ADAMTSL3: variants seen among roughly 807,000 people sequenced by gnomAD.
The protein encoded by ADAMTSL3 is ADAMTS like 3, also known as ADAMTS-like protein 3.
ADAMTSL3 carries 128 observed loss-of-function variants against 201.7 expected under a neutral mutation model. That is an observed-to-expected ratio of 0.63 (90% confidence interval 0.55 to 0.73). ADAMTSL3 has a LOEUF of 0.73. ADAMTSL3 is among the 30% of genes least tolerant of loss of function. The probability of loss-of-function intolerance (pLI) is 0.00; values close to 1 mark genes in which losing one functional copy is unlikely to be tolerated. For synonymous variants in ADAMTSL3, 738 were observed against 748.4 expected, an observed-to-expected ratio of 0.99 and a Z score of 0.23; for missense variants, 1,990 against 2,119.6, an observed-to-expected ratio of 0.94 and a Z score of 1.20.
intron 3 of ADAMTSL3, among the ~76,000 whole-genome samples, chr15:83,727,177 T>C (rs987131167): frequency 2.6e-5 from 4 of 151,862 alleles, no homozygotes; most frequent in Non-Finnish European, 5.9e-5. Flanking sequence ...TTCAATGTAT[T>C]GGCATATAGT....
intron 3 of ADAMTSL3, among the ~76,000 whole-genome samples, chr15:83,708,234 G>C (rs546556140): frequency 2.6e-5 from 4 of 152,314 alleles, no homozygotes; most frequent in Admixed American, 2.6e-4. Flanking sequence ...GGTTCACTAG[G>C]ATCTTCCTAC....
intron 16 of ADAMTSL3, among the ~76,000 whole-genome samples, chr15:83,920,601 G>A (rs28681297): frequency 1.3e-5 from 2 of 152,094 alleles, no homozygotes; most frequent in South Asian, 2.1e-4. Flanking sequence ...AAAATTAACT[G>A]TTCTTTCCAA....
At chr15:84,006,216 G>A (rs992431180) in intron 23 of ADAMTSL3, among the ~76,000 whole-genome samples, 2 of 152,074 alleles carry the variant, frequency 1.3e-5, no homozygotes, top group Admixed American at 1.3e-4. Flanking sequence ...TCTATCCTGT[G>A]TTTGATTTGC....
At chr15:83,857,174 G>C (rs1302928112) in intron 7 of ADAMTSL3, among the ~76,000 whole-genome samples, 1 of 151,948 alleles carries the variant, frequency 6.6e-6, no homozygotes. Context: ...GTTGTTTTTT[G>C]TTGTTGTTGA....
intron 23 of ADAMTSL3, among the ~76,000 whole-genome samples, chr15:83,992,330 ATTGT>A (rs1180289414): frequency 2.6e-5 from 4 of 152,134 alleles, no homozygotes; most frequent in African/African-American, 9.7e-5. Context: ...CCCCCAAGAT[ATTGT>A]TTTTCACCCC....
intron 17 of ADAMTSL3, 111 bp downstream of exon 17, chr15:83,924,144 T>A: frequency 1.5e-6 from 2 of 1,372,786 alleles, no homozygotes; most frequent in Non-Finnish European, 2.0e-6. Flanking sequence ...GTAGATGTGC[T>A]AAGCCTGCTT....
intron 3 of ADAMTSL3, among the ~76,000 whole-genome samples, chr15:83,737,542 A>G (rs903059937): frequency 3.3e-5 from 5 of 152,140 alleles, no homozygotes; most frequent in Admixed American, 1.3e-4. Flanking sequence ...TGCCATGCTT[A>G]TAAGTTTCCT....
At chr15:83,771,533 A>G (rs1184682142) in intron 3 of ADAMTSL3, among the ~76,000 whole-genome samples, 1 of 152,230 alleles carries the variant, frequency 6.6e-6, no homozygotes, top group African/African-American at 2.4e-5. Context: ...AAATGGAACC[A>G]TGCAGTATTT....
chr15:83,872,185 T>G (rs1216686076), intron 9 of ADAMTSL3, among the ~76,000 whole-genome samples: 3 of 152,186 alleles, frequency 2.0e-5, no homozygotes. Context: ...TTGTTTTTTT[T>G]TTCTTTCTGC....
chr15:83,742,016 GCTTT>G (rs1411112336), intron 3 of ADAMTSL3, among the ~76,000 whole-genome samples: 1 of 152,046 alleles, frequency 6.6e-6, no homozygotes, highest in Admixed American at 6.5e-5. Flanking sequence ...CGAACCTTCT[GCTTT>G]CTAAGTAGAA....
At position 84,037,350 on chromosome 15, in the gene ADAMTSL3, T is replaced by C. The variant is rs1373967553; in HGVS notation, c.4970-350T>C. ...TAGGTATGCTGATGTCCTGAAGTTATATGTAAAAACTGTAGGTTTATTTTT... is the reference window on the plus strand; with the variant it reads ...TAGGTATGCTGATGTCCTGAAGTTACATGTAAAAACTGTAGGTTTATTTTT... On this transcript the variant is annotated intron_variant, in intron 29 of 29. Transcript: ENST00000286744. Among the ~76,000 whole-genome samples, 5 of 152,298 alleles carry C rather than the reference T, an allele frequency of 3.3e-5. No homozygotes were observed. The South Asian group carries it at 6.2e-4, about 19-fold the overall frequency.
intron 7 of ADAMTSL3, among the ~76,000 whole-genome samples, chr15:83,844,907 C>T (rs144775386): frequency 6.6e-6 from 1 of 152,354 alleles, no homozygotes; most frequent in Non-Finnish European, 1.5e-5. Context: ...ATCCGCGTCC[C>T]TCTCCAAAGC....
At chr15:83,860,572 G>C (rs1275574499) in intron 8 of ADAMTSL3, among the ~76,000 whole-genome samples, 1 of 152,158 alleles carries the variant, frequency 6.6e-6, no homozygotes, top group African/African-American at 2.4e-5. Context: ...GGATGGTCTT[G>C]ATATTCTCAT....
intron 7 of ADAMTSL3, among the ~76,000 whole-genome samples, chr15:83,855,018 A>C (rs1418718655): frequency 6.6e-6 from 1 of 151,958 alleles, no homozygotes; most frequent in Admixed American, 6.6e-5. Context: ...GGTTATTTTT[A>C]GTGGACTTTG....
At chr15:83,958,146 A>G (rs1381288505) in intron 19 of ADAMTSL3, among the ~76,000 whole-genome samples, 1 of 152,224 alleles carries the variant, frequency 6.6e-6, no homozygotes, top group African/African-American at 2.4e-5. Flanking sequence ...GACAGGGCCA[A>G]GAGTTGTGGA....
chr15:83,676,709 C>G (rs1316416451), intron 2 of ADAMTSL3, among the ~76,000 whole-genome samples: 1 of 152,162 alleles, frequency 6.6e-6, no homozygotes, highest in Non-Finnish European at 1.5e-5. Context: ...ATCCTACCCT[C>G]CAAGGTTATG....
intron 3 of ADAMTSL3, among the ~76,000 whole-genome samples, chr15:83,763,333 A>G (rs893208686): frequency 2.0e-5 from 3 of 151,894 alleles, no homozygotes; most frequent in African/African-American, 7.3e-5. Flanking sequence ...TAAAAATCGG[A>G]TGGCCACACT....
At chr15:83,874,655 G>A (rs1448127321) in intron 9 of ADAMTSL3, among the ~76,000 whole-genome samples, 1 of 143,674 alleles carries the variant, frequency 7.0e-6, no homozygotes, top group Admixed American at 6.8e-5. Flanking sequence ...GGTCTCCCTA[G>A]ATGCAGAGCT....
rs1178946775 is a variant in ADAMTSL3 at position 83,677,619 on chromosome 15, G to A, written c.69+21789G>A. ...AATATATTATTAGCATAGTATATGT[G>A]TTTTCATCGTTTACTTTGAACCTGC... On this transcript the variant is annotated intron_variant, in intron 2 of 29. Coordinates refer to ENST00000286744, the MANE Select transcript of ADAMTSL3 (RefSeq NM_207517.3). 7.2e-5 allele frequency among the ~76,000 whole-genome samples: 11 copies of A among 151,842 alleles called. No individual in the cohort carries two copies. The South Asian group carries it at 2.3e-3, about 32-fold the overall frequency.
Sources: gnomAD v4.1 joint callset for allele counts (sites outside exome capture counted in the v4.1 genomes callset) on GRCh38, gnomAD v4.1.1 for gene constraint, MANE v1.5 for transcripts, NCBI Gene and HGNC (gene_info 2026-07-23, HGNC 2026-07-21) for gene names.